Variants in EYA2 observed in about 807,000 individuals in gnomAD.
EYA2 encodes protein phosphatase EYA2.
EYA2 carries 31 observed loss-of-function variants against 69.2 expected under a neutral mutation model. The observed-to-expected ratio is 0.45, with a 90% CI of 0.34 to 0.60. EYA2 has a LOEUF of 0.60. EYA2 is among the 20% of genes least tolerant of loss of function. The pLI is 0.02. For missense variants in EYA2, 622 were observed against 701.2 expected (o/e 0.89, Z 1.28); for synonymous variants, 257 against 279.4 (o/e 0.92, Z 0.80).
intron 5 of EYA2, among the ~76,000 whole-genome samples, chr20:47,061,003 T>C (rs192118305): frequency 0.02 from 3,058 of 152,012 alleles, 96 homozygotes; most frequent in African/African-American, 0.069. Flanking sequence ...TTACAGCGCC[T>C]GCCACCATGC....
At chr20:47,161,302 T>G in intron 10 of EYA2, 3 of 532,234 alleles carry the variant, frequency 5.6e-6, no homozygotes, top group South Asian at 5.0e-5. Flanking sequence ...CTTGGAGCAC[T>G]TAACACCCAG....
At chr20:47,149,824 A>C (rs1044839396) in intron 10 of EYA2, among the ~76,000 whole-genome samples, 3 of 152,082 alleles carry the variant, frequency 2.0e-5, no homozygotes, top group African/African-American at 7.2e-5. Context: ...TGCAGTCCAG[A>C]CTGGGCAACA....
intron 4 of EYA2, among the ~76,000 whole-genome samples, chr20:47,007,769 C>A (rs1982807097): frequency 6.6e-6 from 1 of 152,032 alleles, no homozygotes. Flanking sequence ...GCACGCACTA[C>A]CTCCCCTGGC....
chr20:46,904,450 C>T (rs1984259696), intron 1 of EYA2, among the ~76,000 whole-genome samples: 2 of 152,036 alleles, frequency 1.3e-5, no homozygotes, highest in Non-Finnish European at 2.9e-5. Flanking sequence ...AGACTTTGGG[C>T]TCAGACCAAA....
rs191279512 is a variant in EYA2, at chr20:47,081,234, A to G, written c.661+6899A>G. Reference sequence around the variant, plus strand: ...ACATGTGGGAATTGTGGGAGTTACAATTCAAGATGAGATTTGATGGGGACA... The same window carrying G: ...ACATGTGGGAATTGTGGGAGTTACAGTTCAAGATGAGATTTGATGGGGACA... On this transcript the variant is annotated intron_variant, in intron 7 of 15. Transcript: ENST00000327619. Among the ~76,000 whole-genome samples, 444 of 152,240 alleles carry G rather than the reference A, an allele frequency of 2.9e-3. 1 individual carries two copies. The highest frequency in any genetic ancestry group is 0.01 in the African/African-American group (416 of 41,550).
chr20:47,174,583 T>C (rs1440385369), intron 12 of EYA2, among the ~76,000 whole-genome samples: 1 of 152,216 alleles, frequency 6.6e-6, no homozygotes, highest in Non-Finnish European at 1.5e-5. Flanking sequence ...CTTCCCGTCG[T>C]GTTCATGGCT....
chr20:47,124,331 C>T (rs891997799), intron 9 of EYA2, among the ~76,000 whole-genome samples: 1 of 152,122 alleles, frequency 6.6e-6, no homozygotes, highest in Admixed American at 6.6e-5. Flanking sequence ...AAGATGGAGT[C>T]TTTTTCTAAG....
At chr20:47,115,552 G>A (rs532078369) in intron 9 of EYA2, among the ~76,000 whole-genome samples, 7 of 151,920 alleles carry the variant, frequency 4.6e-5, no homozygotes, top group East Asian at 1.9e-4. Flanking sequence ...TGACCCATAC[G>A]CCAACCATCA....
At chr20:47,089,158 G>C in intron 7 of EYA2, 81 bp from the exon 8 acceptor site, 3 of 1,538,640 alleles carry the variant, frequency 1.9e-6, no homozygotes, top group Non-Finnish European at 2.7e-6. Context: ...TTTGGAGCTA[G>C]ACGGTGCTGT....
intron 12 of EYA2, among the ~76,000 whole-genome samples, 187 bp downstream of exon 12, chr20:47,173,054 G>T (rs2034357251): frequency 6.6e-6 from 1 of 152,128 alleles, no homozygotes; most frequent in Non-Finnish European, 1.5e-5. Context: ...TTTGGGGGTG[G>T]GAAAGCTGAG....
At chr20:47,148,907 C>T (rs932052914) in intron 10 of EYA2, among the ~76,000 whole-genome samples, 4 of 152,146 alleles carry the variant, frequency 2.6e-5, no homozygotes, top group African/African-American at 9.7e-5. Flanking sequence ...GGTCTGCGGC[C>T]TCTGTCCCAG....
intron 10 of EYA2, among the ~76,000 whole-genome samples, chr20:47,147,182 G>A (rs1042596487): frequency 6.7e-6 from 1 of 150,306 alleles, no homozygotes; most frequent in Non-Finnish European, 1.5e-5. Context: ...CCAAGTAGTT[G>A]AGATTACAGG....
At chr20:47,014,627 AAT>A (rs1491231316) in intron 4 of EYA2, among the ~76,000 whole-genome samples, 9 of 71,826 alleles carry the variant, frequency 1.3e-4, no homozygotes, top group African/African-American at 5.2e-4. Flanking sequence ...ATGTGCACAA[AAT>A]GTGTGTGTGT....
intron 9 of EYA2, among the ~76,000 whole-genome samples, chr20:47,126,432 G>A (rs550598388): frequency 6.6e-6 from 1 of 152,286 alleles, no homozygotes; most frequent in African/African-American, 2.4e-5. Flanking sequence ...CCTGTCCCAA[G>A]TCACGTACCT....
chr20:47,052,790 A>G (rs575105867), intron 5 of EYA2, among the ~76,000 whole-genome samples: 14 of 152,030 alleles, frequency 9.2e-5, no homozygotes, highest in Non-Finnish European at 1.8e-4. Context: ...ATACCCGGTT[A>G]TTATTCTGTA....
At chr20:47,171,152 T>C (rs1371683392) in intron 11 of EYA2, among the ~76,000 whole-genome samples, 1 of 152,026 alleles carries the variant, frequency 6.6e-6, no homozygotes, top group Non-Finnish European at 1.5e-5. Flanking sequence ...TTCAAGGCAG[T>C]GAGCAGCACC....
At chr20:47,061,058 T>TG (rs1382078350) in intron 5 of EYA2, among the ~76,000 whole-genome samples, 3 of 152,016 alleles carry the variant, frequency 2.0e-5, no homozygotes, top group African/African-American at 7.2e-5. Flanking sequence ...TTTACCATGT[T>TG]GGTCAGGCTG....
chr20:47,069,129 T>C (rs1402205423), intron 5 of EYA2, among the ~76,000 whole-genome samples: 2 of 152,154 alleles, frequency 1.3e-5, no homozygotes, highest in African/African-American at 4.8e-5. Flanking sequence ...GAAACTGACA[T>C]GCAAAGTAAC....
chr20:46,983,336 T>C (rs1453640157), intron 1 of EYA2, among the ~76,000 whole-genome samples: 1 of 152,208 alleles, frequency 6.6e-6, no homozygotes, highest in East Asian at 1.9e-4. Flanking sequence ...GAAAAGTTTT[T>C]CTGCTGGCTA....
Sources: gnomAD v4.1 joint callset for allele counts (sites outside exome capture counted in the v4.1 genomes callset) on GRCh38, gnomAD v4.1.1 for gene constraint, MANE v1.5 for transcripts, NCBI Gene and HGNC (gene_info 2026-07-23, HGNC 2026-07-21) for gene names.